Variants in ANK3 observed in about 807,000 individuals in gnomAD.
ANK3 encodes the protein ankyrin-3.
A neutral mutation model predicts 370.9 loss-of-function variants in ANK3; 57 were observed. The ratio of observed to expected loss-of-function variants is 0.15; its 90% CI spans 0.12 to 0.19. The LOEUF is 0.19. ANK3 is among the 10% of genes least tolerant of loss of function. ANK3 has a pLI of 1.00. For synonymous variants in ANK3, 1,929 were observed against 1,946.3 expected (o/e 0.99, Z 0.23); for missense variants, 4,439 against 5,302.1 (o/e 0.84, Z 5.06).
At chr10:60,253,767 TAAAAGAAAG>T (rs2097699182) in intron 7 of ANK3, among the ~76,000 whole-genome samples, 1 of 152,300 alleles carries the variant, frequency 6.6e-6, no homozygotes, top group African/African-American at 2.4e-5. Context: ...ACATAACCCT[TAAAAGAAAG>T]AAAAGAAGTC....
Position 60,457,386 on chromosome 10 carries a change from TGAG to T in ANK3, c.96+157797_96+157799del, listed in dbSNP as rs773852380. On this transcript the variant is annotated intron_variant, in intron 2 of 43. Coordinates refer to the ANK3 transcript ENST00000373827. ...GCTAATGTATGGATGTTGAAGGAAA[TGAG>T]GAGAAGATAAAGGCTCTGCCAGTTC... 8.5e-5 allele frequency among the ~76,000 whole-genome samples: 13 copies of T among 152,168 alleles called. No individual in the cohort carries two copies. The East Asian group carries it at 2.1e-3, about 25-fold the overall frequency.
At chr10:60,562,276 T>C (rs10994415) in intron 2 of ANK3, among the ~76,000 whole-genome samples, 14,080 of 152,284 alleles carry the variant, frequency 0.092, 1,185 homozygotes, top group East Asian at 0.32. Flanking sequence ...AATTTCACTA[T>C]CAAAACTCTT....
intron 1 of ANK3, among the ~76,000 whole-genome samples, chr10:60,679,675 G>A (rs1222799861): frequency 6.6e-6 from 1 of 152,318 alleles, no homozygotes; most frequent in Admixed American, 6.5e-5. Flanking sequence ...AATCAGGGGA[G>A]AAGAAATGCA....
At chr10:60,339,011 A>G (rs1199203393) in intron 1 of ANK3, among the ~76,000 whole-genome samples, 1 of 127,064 alleles carries the variant, frequency 7.9e-6, no homozygotes, top group Admixed American at 7.6e-5. Flanking sequence ...TCCAAAGACA[A>G]TTAGCATATA....
intron 1 of ANK3, among the ~76,000 whole-genome samples, chr10:60,337,982 G>T (rs2053410442): frequency 6.6e-6 from 1 of 152,096 alleles, no homozygotes; most frequent in Admixed American, 6.6e-5. Context: ...TTTAACCTCA[G>T]TCCCACTGTT....
At chr10:60,230,361 T>TAA (rs1359355163) in intron 8 of ANK3, among the ~76,000 whole-genome samples, 8 of 152,202 alleles carry the variant, frequency 5.3e-5, no homozygotes, top group Non-Finnish European at 1.2e-4. Flanking sequence ...TGTGATCTTG[T>TAA]TGAAAAAATG....
chr10:60,443,935 C>A (rs1307707962), intron 2 of ANK3, among the ~76,000 whole-genome samples: 3 of 152,132 alleles, frequency 2.0e-5, no homozygotes, highest in Admixed American at 2.0e-4. Context: ...ATATCAGAAT[C>A]TACTCAAACC....
chr10:60,095,357 G>C (rs1292427403), intron 28 of ANK3, among the ~76,000 whole-genome samples: 2 of 152,170 alleles, frequency 1.3e-5, no homozygotes, highest in Non-Finnish European at 2.9e-5. Context: ...TACTAGTAGA[G>C]ACTGGTTATT....
At chr10:60,169,371 T>TG (rs58908407) in intron 21 of ANK3, among the ~76,000 whole-genome samples, 1 of 149,704 alleles carries the variant, frequency 6.7e-6, no homozygotes, top group Non-Finnish European at 1.5e-5. Context: ...ATAGTTTTTT[T>TG]TTTTTTTTTT....
chr10:60,259,324 G>A (rs1014203783), intron 7 of ANK3, among the ~76,000 whole-genome samples: 8 of 152,122 alleles, frequency 5.3e-5, no homozygotes, highest in Admixed American at 5.2e-4. Context: ...ATATGCAACA[G>A]CCCAAGCCTC....
intron 2 of ANK3, among the ~76,000 whole-genome samples, chr10:60,395,628 C>CAT (rs1256145477): frequency 1.3e-4 from 18 of 137,692 alleles, no homozygotes; most frequent in African/African-American, 5.5e-4. Flanking sequence ...TTCTCTCTCT[C>CAT]TCTCTCTCTC....
intron 1 of ANK3, among the ~76,000 whole-genome samples, chr10:60,712,088 G>A (rs2079718146): frequency 6.6e-6 from 1 of 152,224 alleles, no homozygotes; most frequent in African/African-American, 2.4e-5. Flanking sequence ...GCATATGCCT[G>A]TAGTTCCAGC....
At chr10:60,724,006 C>G (rs1357076319) in intron 1 of ANK3, among the ~76,000 whole-genome samples, 2 of 144,646 alleles carry the variant, frequency 1.4e-5, no homozygotes, top group Admixed American at 7.2e-5. Context: ...GTCAGGAAAT[C>G]GAGACCATCC....
At chr10:60,668,588 G>A (rs1350873859) in intron 1 of ANK3, among the ~76,000 whole-genome samples, 1 of 152,178 alleles carries the variant, frequency 6.6e-6, no homozygotes, top group Non-Finnish European at 1.5e-5. Flanking sequence ...AATGCAGAGA[G>A]AACAGAAGGG....
intron 2 of ANK3, among the ~76,000 whole-genome samples, chr10:60,604,146 T>G (rs2078100613): frequency 6.6e-6 from 1 of 152,096 alleles, no homozygotes; most frequent in Non-Finnish European, 1.5e-5. Context: ...AAAGGCACGG[T>G]AGGTTCCGAG....
At position 60,421,176 on chromosome 10, in the gene ANK3, A is replaced by G. The variant is rs77570349; in HGVS notation, c.97-141537T>C. Among the ~76,000 whole-genome samples, 454 of 152,214 alleles carry G rather than the reference A, an allele frequency of 3.0e-3. 3 individuals are homozygous for G. Among genetic ancestry groups the G allele is most frequent in the African/African-American group, 0.01 (423 of 41,552 alleles). ...GAGAGATAAGAGATTTCCGGAGCGA[A>G]GAGGAGAATTGGCAGCTATTGCTTA... is the stretch of plus-strand genomic sequence containing the variant. On this transcript the variant is annotated intron_variant, in intron 2 of 43. Coordinates refer to the ANK3 transcript ENST00000373827.
chr10:60,171,955 A>G (rs896568720), intron 21 of ANK3, among the ~76,000 whole-genome samples: 4 of 152,150 alleles, frequency 2.6e-5, no homozygotes, highest in African/African-American at 9.7e-5. Flanking sequence ...AGAGTTTTCA[A>G]TTTTCTTTAC....
intron 43 of ANK3, among the ~76,000 whole-genome samples, chr10:60,040,103 G>A (rs1001146636): frequency 1.3e-5 from 2 of 152,154 alleles, no homozygotes; most frequent in African/African-American, 4.8e-5. Context: ...TATATACTAT[G>A]TACAAATCTT....
chr10:60,091,528 A>AGG (rs1554908431), intron 28 of ANK3, among the ~76,000 whole-genome samples: 1 of 15,272 alleles, frequency 6.5e-5, no homozygotes, highest in Non-Finnish European at 1.3e-4. Flanking sequence ...GTGACCAGGG[A>AGG]GGGTGGGGGT....
Sources: allele counts gnomAD v4.1 joint callset (sites outside exome capture counted in the v4.1 genomes callset), GRCh38; gene constraint gnomAD v4.1.1; transcripts MANE v1.5; gene names NCBI Gene and HGNC (gene_info 2026-07-23, HGNC 2026-07-21).